PCDHAC1: variants seen among roughly 807,000 people sequenced by gnomAD.
The protein encoded by PCDHAC1 is protocadherin alpha-C1.
PCDHAC1 carries 42 observed loss-of-function variants against 60.0 expected under a neutral mutation model. The observed-to-expected ratio is 0.70, with a 90% CI of 0.55 to 0.90. The LOEUF (loss-of-function observed/expected upper bound fraction) is 0.90, where lower values mean the gene tolerates loss of function less well. Ranked by LOEUF, PCDHAC1 falls within the 40% of genes least tolerant of loss-of-function variation. PCDHAC1 has a pLI of 0.00. For synonymous variants in PCDHAC1, 468 were observed against 499.3 expected (o/e 0.94, Z 0.84); for missense variants, 1,160 against 1,222.3 (o/e 0.95, Z 0.76).
rs1554262625 is a variant in PCDHAC1, at chr5:141,009,974, T to A, written c.*37T>A. 3 of 1,585,642 alleles carry A rather than the reference T, an allele frequency of 1.9e-6. No homozygotes were observed. The highest frequency in any genetic ancestry group is 2.6e-6 in the Non-Finnish European group (3 of 1,169,212). ...GGAAACAAGCCACTTAGCCAGTTTT[T>A]GTAATAATGGCAAATCTCTCCCATG... On this transcript the variant is annotated 3_prime_UTR_variant, in exon 4 of 4. Transcript: ENST00000253807.
rs1554228541 is a variant in PCDHAC1 at position 140,966,673 on chromosome 5, T to C, written c.2434-12276T>C. 2.3e-6 allele frequency: 3 copies of C among 1,290,056 alleles called. No homozygotes were observed. The African/African-American group carries it at 4.7e-5, about 20-fold the overall frequency. The allele number at this position is 1,290,056 out of a possible 1,614,324, so 79.9% of individuals were successfully genotyped here. A position where few individuals can be genotyped will look rare whatever the true frequency, so the allele number is the denominator to read the frequency against. On this transcript the variant is annotated intron_variant, in intron 1 of 3. Coordinates refer to ENST00000253807, the MANE Select transcript of PCDHAC1 (RefSeq NM_018898.5). ...GAGCGGTGGGGGAGCAGGCGCAGGG[T>C]GGCACGAGCGGAGGCGGGGCCCGGG...
intron 1 of PCDHAC1, among the ~76,000 whole-genome samples, chr5:140,937,638 C>A (rs1563161991): frequency 6.7e-6 from 1 of 150,048 alleles, no homozygotes; most frequent in East Asian, 2.1e-4. Flanking sequence ...AAAGGCAGGG[C>A]ATGGTGGCTC....
chr5:140,982,544 A>G lies in PCDHAC1; in HGVS notation c.2562A>G (p.Thr854=), dbSNP rs781800144. 1.5e-5 allele frequency: 25 copies of G among 1,614,098 alleles called. No individual in the cohort carries two copies. Among genetic ancestry groups the G allele is most frequent in the Non-Finnish European group, 2.1e-5 (25 of 1,180,048 alleles). Residue 854 remains threonine (T), a synonymous_variant, in exon 3 of 4, where the codon ACA becomes ACG. Coordinates refer to ENST00000253807, the MANE Select transcript of PCDHAC1 (RefSeq NM_018898.5). ...GAGGGCCTGATCAGCAGTGGCCAAC[A>G]GTATCCAGTGCAACACCAGGTAAAG... The part of the protein sequence containing the change: ...GPGGPDQQWP[T]VSSATPEPEA...
chr5:140,967,026 C>G, intron 1 of PCDHAC1: 2 of 1,608,434 alleles, frequency 1.2e-6, no homozygotes, highest in East Asian at 4.5e-5. Flanking sequence ...GCGCCCAGTC[C>G]GCGCTACCTG....
At chr5:140,945,372 T>C (rs1554216918) in intron 1 of PCDHAC1, among the ~76,000 whole-genome samples, 1 of 152,088 alleles carries the variant, frequency 6.6e-6, no homozygotes, top group Non-Finnish European at 1.5e-5. Flanking sequence ...AATGTCCATA[T>C]TACCCAAAGC....
rs1227240979 is a variant in PCDHAC1 at position 140,927,536 on chromosome 5, G to A, written c.644G>A (p.Gly215Glu). The A allele has an allele frequency of 1.9e-6, 3 of 1,614,138 alleles. No individual in the cohort carries two copies. Among genetic ancestry groups the A allele is most frequent in the Non-Finnish European group, 2.5e-6 (3 of 1,180,038 alleles). The change falls in exon 1 of 4, where the codon GGA becomes GAA. Residue 215 changes from glycine to glutamate, a missense_variant. Coordinates refer to ENST00000253807, the MANE Select transcript of PCDHAC1 (RefSeq NM_018898.5). ...ARDGGLPARS[G>E]DAQVTIIVVD... Reference sequence around the variant, plus strand: ...GACGGCGGGCTACCTGCCCGCTCAGGAGACGCACAAGTCACCATCATTGTG... The same window carrying A: ...GACGGCGGGCTACCTGCCCGCTCAGAAGACGCACAAGTCACCATCATTGTG...
chr5:140,969,348 G>A, intron 1 of PCDHAC1: 5 of 1,613,304 alleles, frequency 3.1e-6, no homozygotes, highest in Non-Finnish European at 4.2e-6. Flanking sequence ...CAGTGGTCAG[G>A]GGGTCTTCTA....
At position 140,927,313 on chromosome 5, in the gene PCDHAC1, G is replaced by A. The variant is rs1229449253; in HGVS notation, c.421G>A (p.Ala141Thr). The A allele has an allele frequency of 3.7e-6, 6 of 1,614,074 alleles. No individual in the cohort carries two copies. The highest frequency in any genetic ancestry group is 3.3e-5 in the Admixed American group (2 of 60,002). Residue 141 changes from alanine to threonine, a missense_variant, in exon 1 of 4, where the codon GCC becomes ACC. Around this residue, in one of 3 missense-constraint regions of PCDHAC1, gnomAD observed 1,113 missense variants for 1,163.7 expected, o/e 0.96. Coordinates refer to ENST00000253807, the MANE Select transcript of PCDHAC1 (RefSeq NM_018898.5). Reference sequence around the variant, plus strand: ...CATCCCCGAGTTCCTGACGCCCGGAGCCCGCTTTACTCTCCCGAATGCCCA... The same window carrying A: ...CATCCCCGAGTTCCTGACGCCCGGAACCCGCTTTACTCTCCCGAATGCCCA... ...LHIPEFLTPG[A>T]RFTLPNAQDD...
chr5:140,952,379 G>T (rs1384901092), intron 1 of PCDHAC1, among the ~76,000 whole-genome samples: 1 of 151,322 alleles, frequency 6.6e-6, no homozygotes, highest in Non-Finnish European at 1.5e-5. Flanking sequence ...TCCTCTGCCA[G>T]GTACCCTAAA....
chr5:140,929,614 A>G (rs1554207224), intron 1 of PCDHAC1: 1 of 405,948 alleles, frequency 2.5e-6, no homozygotes, highest in African/African-American at 2.1e-5. Context: ...ATAAAATACC[A>G]AAATATTTTA....
In PCDHAC1 at chr5:141,011,207, G is replaced by A. The variant is rs79928365; in HGVS notation, c.*1270G>A. On this transcript the variant is annotated 3_prime_UTR_variant, in exon 4 of 4. Coordinates refer to ENST00000253807, the MANE Select transcript of PCDHAC1 (RefSeq NM_018898.5). Reference sequence around the variant, plus strand: ...GAAAAATATTGTTTTCTCATACAGTGAGCAGATTTTTCAATCTACTAATTC... The same window carrying A: ...GAAAAATATTGTTTTCTCATACAGTAAGCAGATTTTTCAATCTACTAATTC... 325 of 153,804 alleles carry A rather than the reference G, an allele frequency of 2.1e-3. 2 individuals are homozygous for A. The highest frequency in any genetic ancestry group is 7.1e-3 in the African/African-American group (293 of 41,546). 9.5% of individuals were successfully genotyped at this position (153,804 alleles called of 1,614,324 possible). A position where few individuals can be genotyped will look rare whatever the true frequency, so the allele number is the denominator to read the frequency against.
intron 1 of PCDHAC1, among the ~76,000 whole-genome samples, chr5:140,977,958 C>T (rs1912706): frequency 0.036 from 5,518 of 152,194 alleles, 299 homozygotes; most frequent in African/African-American, 0.12. Context: ...AGGGCCACCT[C>T]AATCTCCGCC....
chr5:140,926,919 A>G lies in PCDHAC1; in HGVS notation c.27A>G (p.Leu9=). MVGCGVAV[L]CLWVSCGAAA... is the part of the protein sequence containing the mutation. Reference sequence around the variant, plus strand: ...TGGTGGGCTGTGGGGTGGCAGTTTTATGTTTGTGGGTTTCCTGCGGCGCTG... The same window carrying G: ...TGGTGGGCTGTGGGGTGGCAGTTTTGTGTTTGTGGGTTTCCTGCGGCGCTG... Residue 9 remains leucine (L), a synonymous_variant, in exon 1 of 4, where the codon TTA becomes TTG. Transcript: ENST00000253807. The G allele has an allele frequency of 5.7e-6, 9 of 1,566,668 alleles. No individual in the cohort carries two copies. Among genetic ancestry groups the G allele is most frequent in the Non-Finnish European group, 7.8e-6 (9 of 1,154,060 alleles).
chr5:140,946,199 A>G (rs1300104764), intron 1 of PCDHAC1, among the ~76,000 whole-genome samples: 10 of 151,964 alleles, frequency 6.6e-5, no homozygotes, highest in Admixed American at 5.2e-4. Context: ...CTCAAAAGAA[A>G]GCACACAAAT....
At position 141,010,166 on chromosome 5, in the gene PCDHAC1, A is replaced by T; in HGVS notation, c.*229A>T. 1 of 1,562,828 alleles carries T rather than the reference A, an allele frequency of 6.4e-7. No individual in the cohort carries two copies. On this transcript the variant is annotated 3_prime_UTR_variant, in exon 4 of 4. Coordinates refer to ENST00000253807, the MANE Select transcript of PCDHAC1 (RefSeq NM_018898.5). ...TCTCTCCACTCTGGCTTGTTTTCAG[A>T]ACCTAAAAAGCAGACCCAAGTTTCC... is the stretch of plus-strand genomic sequence containing the variant.
Position 140,926,464 on chromosome 5 carries a change from A to C in PCDHAC1, c.-429A>C, listed in dbSNP as rs1445781673. On this transcript the variant is annotated 5_prime_UTR_variant, in exon 1 of 4. Coordinates refer to ENST00000253807, the MANE Select transcript of PCDHAC1 (RefSeq NM_018898.5). The stretch of plus-strand genomic sequence containing the variant: ...GCAGCCTCAGGGCGTTGTCCTAGAA[A>C]ACACCGTTTAAGGAGAGAAGTGTTA... 6.3e-6 allele frequency: 1 copy of C among 159,892 alleles called. No homozygotes were observed. The highest frequency in any genetic ancestry group is 1.4e-5 in the Non-Finnish European group (1 of 73,802). The allele number at this position is 159,892 out of a possible 1,614,324, so 9.9% of individuals were successfully genotyped here. A position where few individuals can be genotyped will look rare whatever the true frequency, so the allele number is the denominator to read the frequency against.
intron 3 of PCDHAC1, among the ~76,000 whole-genome samples, chr5:141,002,081 G>T (rs1016567220): frequency 3.3e-5 from 5 of 152,220 alleles, no homozygotes; most frequent in South Asian, 2.1e-4. Flanking sequence ...GCCAAAGAAC[G>T]AGCAGTCCAG....
At chr5:140,968,401 C>T (rs1554230667) in intron 1 of PCDHAC1, 1 of 1,613,984 alleles carries the variant, frequency 6.2e-7, no homozygotes, top group South Asian at 1.1e-5. Context: ...TTCGGGAGTT[C>T]TTTGTGACTG....
intron 1 of PCDHAC1, among the ~76,000 whole-genome samples, chr5:140,955,342 C>T (rs981239160): frequency 1.3e-5 from 2 of 152,130 alleles, no homozygotes; most frequent in Admixed American, 6.6e-5. Context: ...ATAATCCCCA[C>T]ATGTTGTGAG....
Sources: gnomAD v4.1 joint callset for allele counts (sites outside exome capture counted in the v4.1 genomes callset) on GRCh38, gnomAD v4.1.1 for gene constraint, gnomAD v4.1.1 regional missense constraint, MANE v1.5 for transcripts, NCBI Gene and HGNC (gene_info 2026-07-23, HGNC 2026-07-21) for gene names.